The following MACF1 variants were observed in gnomAD, a reference collection of about 807,000 sequenced individuals.
The protein encoded by MACF1 is microtubule-actin cross-linking factor 1.
A neutral mutation model predicts 854.8 loss-of-function variants in MACF1; 193 were observed. The ratio of observed to expected loss-of-function variants is 0.23; its 90% CI spans 0.20 to 0.25. The LOEUF (loss-of-function observed/expected upper bound fraction) is 0.25. MACF1 is among the 10% of genes least tolerant of loss of function. MACF1 has a pLI of 1.00. For synonymous variants in MACF1, 3,185 were observed against 3,226.7 expected (o/e 0.99, Z 0.44); for missense variants, 7,722 against 8,929.1 (o/e 0.86, Z 5.45).
At position 39,485,820 on chromosome 1, in the gene MACF1, T is replaced by C; in HGVS notation, c.*26T>C. 2 of 1,547,462 alleles carry C rather than the reference T, an allele frequency of 1.3e-6. No individual in the cohort carries two copies. The highest frequency in any genetic ancestry group is 2.3e-5 in the East Asian group (1 of 43,900). ...CACTGTCTAAGCACCCCCAAGCCAC[T>C]ATCCACTTTGAATCCTGCTCCATAC... On this transcript the variant is annotated 3_prime_UTR_variant, in exon 101 of 101. Coordinates refer to ENST00000564288, the MANE Select transcript of MACF1 (RefSeq NM_001394062.1).
At chr1:39,230,447 C>T (rs1363114621) in intron 1 of MACF1, among the ~76,000 whole-genome samples, 1 of 151,974 alleles carries the variant, frequency 6.6e-6, no homozygotes, top group Non-Finnish European at 1.5e-5. Context: ...TAGAAAAGGA[C>T]CAGGACTGAT....
At chr1:39,470,382 T>C (rs1356331720) in intron 97 of MACF1, among the ~76,000 whole-genome samples, 2 of 152,158 alleles carry the variant, frequency 1.3e-5, no homozygotes, top group Non-Finnish European at 2.9e-5. Context: ...CCAGGTACAG[T>C]GGAATCCCAG....
intron 5 of MACF1, 137 bp downstream of exon 5, chr1:39,254,512 C>G (rs1399873341): frequency 1.4e-6 from 1 of 713,564 alleles, no homozygotes; most frequent in Non-Finnish European, 2.4e-6. Flanking sequence ...TCTTAACTTG[C>G]TAGTGAGCAA....
Position 39,350,981 on chromosome 1 carries a change from A to C in MACF1, c.11162A>C (p.Glu3721Ala). 1.2e-6 allele frequency: 2 copies of C among 1,614,114 alleles called. No homozygotes were observed. The highest frequency in any genetic ancestry group is 1.7e-6 in the Non-Finnish European group (2 of 1,179,978). Residue 3721 changes from glutamate (E) to alanine (A), a missense_variant, in exon 43 of 101, where the codon GAA becomes GCA. Transcript: ENST00000564288. ...CGTGTGGCCCAGAAGGAACTGGAGG[A>C]AGCAGTGACCTCCGCCTTACAGCAG... ...ETRVAQKELEEAVTSALQQET... is the reference protein window; with the variant it reads ...ETRVAQKELEAAVTSALQQET...
At chr1:39,289,693 C>CTTTTTTTTTT (rs58188740) in intron 15 of MACF1, among the ~76,000 whole-genome samples, 464 of 28,970 alleles carry the variant, frequency 0.016, 182 homozygotes, top group Admixed American at 0.026. Context: ...GTGGGTTGTC[C>CTTTTTTTTTT]TTTTTTTTTT....
intron 100 of MACF1, chr1:39,484,954 G>T: frequency 1.7e-6 from 1 of 596,636 alleles, no homozygotes; most frequent in East Asian, 2.8e-5. Flanking sequence ...CCAAAGCTGG[G>T]CCATGCGTTC....
intron 85 of MACF1, among the ~76,000 whole-genome samples, chr1:39,451,549 G>T (rs1309566736): frequency 1.3e-5 from 2 of 151,946 alleles, no homozygotes; most frequent in Admixed American, 6.6e-5. Flanking sequence ...GGAAATGAGT[G>T]ATTTTTTTTT....
chr1:39,483,614 T>A (rs1220555503), intron 99 of MACF1, among the ~76,000 whole-genome samples: 1 of 152,104 alleles, frequency 6.6e-6, no homozygotes, highest in African/African-American at 2.4e-5. Flanking sequence ...AGAGGCAGGA[T>A]TTAATCCCTG....
chr1:39,332,200 T>C lies in MACF1; in HGVS notation c.5612T>C (p.Val1871Ala), dbSNP rs543006877. 2 of 1,614,098 alleles carry C rather than the reference T, an allele frequency of 1.2e-6. No homozygotes were observed. The highest frequency in any genetic ancestry group is 1.7e-5 in the Admixed American group (1 of 60,016). ...ACAGATGCCCTAGAACAAGGTATTG[T>C]GTCTACTGAACTAGCACATAAAATC... ...PITDALEQGI[V>A]STELAHKILS... The change falls in exon 37 of 101, where the codon GTG (valine) becomes GCG (alanine). Residue 1871 changes from valine to alanine, a missense_variant. By Grantham distance (64) the Val-to-Ala change is moderately conservative. This residue lies in a region of MACF1 where 1,531 missense variants were observed against 1,601.6 expected (regional missense o/e 0.96). Coordinates refer to ENST00000564288, the MANE Select transcript of MACF1 (RefSeq NM_001394062.1).
At position 39,316,441 on chromosome 1, in the gene MACF1, T is replaced by C; in HGVS notation, c.3500T>C (p.Leu1167Ser). 6.2e-7 allele frequency: 1 copy of C among 1,614,018 alleles called. No homozygotes were observed. Among genetic ancestry groups the C allele is most frequent in the Non-Finnish European group, 8.5e-7 (1 of 1,179,892 alleles). The change falls in exon 28 of 101, where the codon TTG becomes TCG. Residue 1167 changes from leucine to serine, a missense_variant. By Grantham distance (145) the Leu-to-Ser change is moderately radical. This residue lies in a region of MACF1 where 1,137 missense variants were observed against 1,263.0 expected (regional missense o/e 0.90). Coordinates refer to ENST00000564288, the MANE Select transcript of MACF1 (RefSeq NM_001394062.1). The part of the protein sequence containing the change: ...IVRSIQDAEL[L>S]VKGYEIKLSQ... Reference sequence around the variant, plus strand: ...CGTAGCATACAGGATGCTGAACTCTTGGTCAAAGGTTATGAGATTAAGCTG... The same window carrying C: ...CGTAGCATACAGGATGCTGAACTCTCGGTCAAAGGTTATGAGATTAAGCTG...
chr1:39,307,968 A>C (rs1335200861), intron 23 of MACF1, among the ~76,000 whole-genome samples: 1 of 105,876 alleles, frequency 9.4e-6, no homozygotes, highest in African/African-American at 3.7e-5. Context: ...GCAGTGACGC[A>C]ATCTCGGCTC....
chr1:39,454,859 AG>A (rs746946052), intron 88 of MACF1, 49 bp from the exon 89 acceptor site: 4 of 1,486,438 alleles, frequency 2.7e-6, no homozygotes, highest in Non-Finnish European at 3.7e-6. Flanking sequence ...TTGGAAACAA[AG>A]GGGGTATGCT....
rs11453750 is a variant in MACF1 at position 39,263,771 on chromosome 1, C to CTTTTTT, written c.528+5758_528+5763dup. On this transcript the variant is annotated intron_variant, in intron 6 of 100. Transcript: ENST00000564288. ...CTTTCTTTCATCTTTTTTCTTTTTTCTTTTTTTTTTTTTTTTTTTTGAGAC... is the reference window on the plus strand; with the variant it reads ...CTTTCTTTCATCTTTTTTCTTTTTTCTTTTTTTTTTTTTTTTTTTTTTTTTTGAGAC... Among the ~76,000 whole-genome samples, 58 of 100,212 alleles carry CTTTTTT rather than the reference C, an allele frequency of 5.8e-4. 1 individual carries two copies. The highest frequency in any genetic ancestry group is 0.02 in the Middle Eastern group (2 of 102). 65.7% of individuals were successfully genotyped at this position (100,212 alleles called of 152,430 possible). A position where few individuals can be genotyped will look rare whatever the true frequency, so the allele number is the denominator to read the frequency against.
intron 34 of MACF1, 87 bp downstream of exon 34, chr1:39,324,432 A>G (rs1646571680): frequency 6.8e-7 from 1 of 1,467,018 alleles, no homozygotes; most frequent in African/African-American, 1.4e-5. Flanking sequence ...CATGTGGGCC[A>G]TTCCAGAAGT....
At chr1:39,258,351 G>A (rs1645119445) in intron 6 of MACF1, among the ~76,000 whole-genome samples, 1 of 152,238 alleles carries the variant, frequency 6.6e-6, no homozygotes. Flanking sequence ...CTCAGAATAT[G>A]AGGGTTGAGA....
At chr1:39,362,195 A>G (rs1179454190) in intron 49 of MACF1, among the ~76,000 whole-genome samples, 1 of 152,226 alleles carries the variant, frequency 6.6e-6, no homozygotes, top group African/African-American at 2.4e-5. Context: ...GTATATGCAT[A>G]TATTAATTTA....
At chr1:39,281,062 T>C (rs1422011032) in intron 6 of MACF1, among the ~76,000 whole-genome samples, 2 of 152,194 alleles carry the variant, frequency 1.3e-5, no homozygotes, top group Non-Finnish European at 2.9e-5. Context: ...ACAGCAACCC[T>C]GAAAAGGTGG....
Position 39,454,959 on chromosome 1 carries a change from A to C in MACF1, c.20937A>C (p.Ser6979=), listed in dbSNP as rs1644407798. 2 of 1,614,072 alleles carry C rather than the reference A, an allele frequency of 1.2e-6. No homozygotes were observed. The highest frequency in any genetic ancestry group is 1.7e-5 in the Admixed American group (1 of 59,998). The part of the protein sequence containing the change: ...QHQQRLETAL[S]ELVANAELLE... The stretch of plus-strand genomic sequence containing the variant: ...AGCAGCGTCTTGAAACGGCCTTGTC[A>C]GAACTGGTGGCTAATGCTGAGCTCC... The change falls in exon 89 of 101, where the codon TCA becomes TCC. Residue 6979 remains serine, a synonymous_variant. Coordinates refer to ENST00000564288, the MANE Select transcript of MACF1 (RefSeq NM_001394062.1).
chr1:39,359,480 CT>C (rs2148514938), intron 47 of MACF1, among the ~76,000 whole-genome samples: 1 of 152,300 alleles, frequency 6.6e-6, no homozygotes, highest in Non-Finnish European at 1.5e-5. Flanking sequence ...GCTTCAGTCC[CT>C]TTTCCCCAGA....
Sources: allele counts gnomAD v4.1 joint callset (sites outside exome capture counted in the v4.1 genomes callset), GRCh38; gene constraint gnomAD v4.1.1; regional missense constraint gnomAD v4.1.1; transcripts MANE v1.5; gene names NCBI Gene and HGNC (gene_info 2026-07-23, HGNC 2026-07-21).